Variants in SLCO2A1 observed in about 807,000 individuals in gnomAD.
SLCO2A1 encodes solute carrier organic anion transporter family member 2A1, also known as matrin F/G 1.
A neutral mutation model predicts 71.7 loss-of-function variants in SLCO2A1; 60 were observed. The ratio of observed to expected loss-of-function variants is 0.84; its 90% confidence interval spans 0.68 to 1.04. The LOEUF is 1.04. SLCO2A1 is among the 50% of genes least tolerant of loss of function. SLCO2A1 has a pLI of 0.00. For missense variants in SLCO2A1, 745 were observed against 813.4 expected, an observed-to-expected ratio of 0.92 and a Z score of 1.02; for synonymous variants, 308 against 326.7, an observed-to-expected ratio of 0.94 and a Z score of 0.62.
At chr3:134,029,567 C>G in intron 1 of SLCO2A1, 140 bp downstream of exon 1, 1 of 611,670 alleles carries the variant, frequency 1.6e-6, no homozygotes, top group Non-Finnish European at 2.8e-6. Flanking sequence ...ACGCGTCGCC[C>G]GGGGATGAGA....
chr3:133,943,767 A>G (rs1933492311), intron 10 of SLCO2A1, among the ~76,000 whole-genome samples: 1 of 152,226 alleles, frequency 6.6e-6, no homozygotes, highest in African/African-American at 2.4e-5. Context: ...GGCAACTTAA[A>G]GAGCATCTTG....
intron 3 of SLCO2A1, among the ~76,000 whole-genome samples, chr3:133,956,863 A>G (rs1018788172): frequency 2.0e-5 from 3 of 152,248 alleles, no homozygotes; most frequent in Non-Finnish European, 2.9e-5. Flanking sequence ...AAACCTCTGG[A>G]AGATGATGGC....
In SLCO2A1 at chr3:133,942,679, C is replaced by T. The variant is rs376344584; in HGVS notation, c.1551G>A (p.Pro517=). The change falls in exon 11 of 14, where the codon CCG becomes CCA. Residue 517 remains proline, a synonymous_variant. Coordinates refer to ENST00000310926, the MANE Select transcript of SLCO2A1 (RefSeq NM_005630.3). ...ACACGAAGGAGATGAGGAAGATGGC[C>T]GGGAGCAGGAAGTGGGCACAGGGGA... ...CPVPCAHFLL[P]AIFLISFVSL... is the part of the protein sequence containing the mutation. 50 of 1,613,720 alleles carry T rather than the reference C, an allele frequency of 3.1e-5. 1 individual carries two copies. In the East Asian group the frequency reaches 5.1e-4, roughly 17 times the overall value.
intron 1 of SLCO2A1, among the ~76,000 whole-genome samples, chr3:133,995,732 A>G (rs1028849265): frequency 6.6e-6 from 1 of 152,214 alleles, no homozygotes; most frequent in Non-Finnish European, 1.5e-5. Context: ...AGCAGGGAGT[A>G]ATCTTCTCCA....
intron 4 of SLCO2A1, among the ~76,000 whole-genome samples, chr3:133,954,238 C>T (rs1345544159): frequency 6.9e-6 from 1 of 145,166 alleles, no homozygotes. Flanking sequence ...TCTTGGCTCA[C>T]TGCAACCTCT....
chr3:133,988,360 C>A (rs1934761815), intron 1 of SLCO2A1, among the ~76,000 whole-genome samples: 1 of 152,174 alleles, frequency 6.6e-6, no homozygotes, highest in African/African-American at 2.4e-5. Flanking sequence ...TAGATAAACC[C>A]AACCAACTGT....
At chr3:134,018,531 T>A (rs1306860424) in intron 1 of SLCO2A1, among the ~76,000 whole-genome samples, 1 of 152,120 alleles carries the variant, frequency 6.6e-6, no homozygotes, top group Non-Finnish European at 1.5e-5. Flanking sequence ...TTTCCCTTCT[T>A]CCCACTATTC....
rs573244364 is a variant in SLCO2A1, at chr3:133,954,956, G to A, written c.625+10C>T. On this transcript the variant is annotated intron_variant, in intron 4 of 13. Transcript: ENST00000310926. ...CCCTCCCCAAAGCCCTCTTCAAGCCGGTGACTCACAGATGTACAGGGGCGA... is the reference window on the plus strand; with the variant it reads ...CCCTCCCCAAAGCCCTCTTCAAGCCAGTGACTCACAGATGTACAGGGGCGA... The A allele has an allele frequency of 2.9e-5, 47 of 1,609,804 alleles. No individual in the cohort carries two copies. Among genetic ancestry groups the A allele is most frequent in the South Asian group, 2.8e-4 (25 of 90,708 alleles).
intron 1 of SLCO2A1, among the ~76,000 whole-genome samples, chr3:134,027,419 C>G (rs900364513): frequency 5.3e-5 from 8 of 152,202 alleles, no homozygotes. Flanking sequence ...GATCTAATTA[C>G]TGGTGCATGC....
chr3:134,002,299 C>A (rs1215678259), intron 1 of SLCO2A1, among the ~76,000 whole-genome samples: 1 of 152,208 alleles, frequency 6.6e-6, no homozygotes, highest in East Asian at 1.9e-4. Flanking sequence ...ACCCTCCTGC[C>A]TCCTGGCCCA....
At chr3:133,953,037 A>AT (rs1933785944) in intron 5 of SLCO2A1, among the ~76,000 whole-genome samples, 3 of 151,668 alleles carry the variant, frequency 2.0e-5, no homozygotes, top group African/African-American at 7.3e-5. Context: ...AGAACCATAG[A>AT]ATTTTTTTTT....
In SLCO2A1 at chr3:134,018,387, C is replaced by T. The variant is rs116600895; in HGVS notation, c.96+11320G>A. ...GATTAGTTAAGCAAGCCCAAGATGC[C>T]TCCCCATTGCTGGGGGTCAGAAGCC... is the stretch of plus-strand genomic sequence containing the variant. On this transcript the variant is annotated intron_variant, in intron 1 of 13. Coordinates refer to ENST00000310926, the MANE Select transcript of SLCO2A1 (RefSeq NM_005630.3). 4.7e-3 allele frequency among the ~76,000 whole-genome samples: 719 copies of T among 152,310 alleles called. 7 individuals carry two copies. Among genetic ancestry groups the T allele is most frequent in the African/African-American group, 0.016 (676 of 41,550 alleles).
chr3:133,953,076 G>A (rs534946075), intron 5 of SLCO2A1, among the ~76,000 whole-genome samples: 10 of 150,968 alleles, frequency 6.6e-5, no homozygotes, highest in South Asian at 4.2e-4. Flanking sequence ...TCACTCTGTC[G>A]CCCAGGCTGG....
intron 1 of SLCO2A1, among the ~76,000 whole-genome samples, chr3:133,985,481 A>AGGCTTCAC (rs1247020339): frequency 1.3e-5 from 2 of 152,220 alleles, no homozygotes; most frequent in African/African-American, 4.8e-5. Flanking sequence ...TTTCTTCACA[A>AGGCTTCAC]AAGGAAAAGA....
rs1935239043 is a variant in SLCO2A1, at chr3:134,007,198, T to C, written c.96+22509A>G. On this transcript the variant is annotated intron_variant, in intron 1 of 13. Coordinates refer to ENST00000310926, the MANE Select transcript of SLCO2A1 (RefSeq NM_005630.3). Reference sequence around the variant, plus strand: ...TGTTGTTGTTGAGTTCTAAGAACTCTTTATATATTCTGGATATTCATCTTT... The same window carrying C: ...TGTTGTTGTTGAGTTCTAAGAACTCCTTATATATTCTGGATATTCATCTTT... Among the ~76,000 whole-genome samples the C allele has an allele frequency of 2.0e-5, 3 of 152,260 alleles. No homozygotes were observed. In the South Asian group the frequency reaches 6.2e-4, roughly 31 times the overall value.
chr3:133,952,394 G>A (rs1050485854), intron 5 of SLCO2A1, among the ~76,000 whole-genome samples: 9 of 152,244 alleles, frequency 5.9e-5, no homozygotes, highest in African/African-American at 2.2e-4. Context: ...CAGGGCAGTG[G>A]TGGGAGTGCT....
At chr3:133,937,036 C>T (rs1306737149) in intron 12 of SLCO2A1, among the ~76,000 whole-genome samples, 2 of 152,020 alleles carry the variant, frequency 1.3e-5, no homozygotes, top group Non-Finnish European at 2.9e-5. Context: ...CATTGTGGTC[C>T]CACATTGAGT....
chr3:133,983,732 TGA>T (rs1934645680), intron 1 of SLCO2A1, among the ~76,000 whole-genome samples: 1 of 152,246 alleles, frequency 6.6e-6, no homozygotes, highest in Non-Finnish European at 1.5e-5. Context: ...CACCCTGTGC[TGA>T]CTCCTGTACA....
At position 133,937,444 on chromosome 3, in the gene SLCO2A1, G is replaced by A. The variant is rs1221934670; in HGVS notation, c.1690+985C>T. On this transcript the variant is annotated intron_variant, in intron 12 of 13. Transcript: ENST00000310926. Reference sequence around the variant, plus strand: ...TCCCATCATCCAAACACTTCTCCCAGCCTGGGACTGGATTGGGCTCAGCAA... The same window carrying A: ...TCCCATCATCCAAACACTTCTCCCAACCTGGGACTGGATTGGGCTCAGCAA... Among the ~76,000 whole-genome samples the A allele has an allele frequency of 2.0e-5, 3 of 152,208 alleles. No individual in the cohort carries two copies. In the East Asian group the frequency reaches 5.8e-4, roughly 29 times the overall value.
Sources: allele counts gnomAD v4.1 joint callset (sites outside exome capture counted in the v4.1 genomes callset), GRCh38; gene constraint gnomAD v4.1.1; transcripts MANE v1.5; gene names NCBI Gene and HGNC (gene_info 2026-07-23, HGNC 2026-07-21).